Variants in CNPY1 observed in about 807,000 individuals in gnomAD.
The protein encoded by CNPY1 is canopy FGF signaling regulator 1.
A neutral mutation model predicts 14.4 loss-of-function variants in CNPY1; 14 were observed. The observed-to-expected ratio is 0.97, with a 90% CI of 0.64 to 1.52. The LOEUF is 1.52. Ranked by LOEUF, CNPY1 falls within the 40% of genes most tolerant of loss-of-function variation. CNPY1 has a pLI of 0.00. For missense variants in CNPY1, 129 were observed against 131.5 expected, an observed-to-expected ratio of 0.98 and a Z score of 0.09; for synonymous variants, 43 against 46.5, an observed-to-expected ratio of 0.92 and a Z score of 0.31.
intron 2 of CNPY1, among the ~76,000 whole-genome samples, chr7:155,527,434 C>CTTTTTTTTTTT (rs11364914): frequency 5.3e-5 from 3 of 56,892 alleles, no homozygotes; most frequent in East Asian, 6.2e-4. Context: ...TAATTAATTT[C>CTTTTTTTTTTT]TTTTTTTTTT....
intron 2 of CNPY1, among the ~76,000 whole-genome samples, chr7:155,524,999 T>C (rs1384655560): frequency 6.6e-6 from 1 of 152,120 alleles, no homozygotes; most frequent in Non-Finnish European, 1.5e-5. Context: ...ATTTATGAAA[T>C]GGAACACACA....
chr7:155,546,386 C>T lies in CNPY1; in HGVS notation c.-15+43G>A, dbSNP rs2116765566. On this transcript the variant is annotated intron_variant, in intron 1 of 4. Transcript: ENST00000636446. ...TTTTTTTAAGAGACGGGGGGTCTCA[C>T]TATGTTGCCCAGGTAGGTCTTGAAC... 3 of 397,532 alleles carry T rather than the reference C, an allele frequency of 7.5e-6. No individual in the cohort carries two copies. In the East Asian group the frequency reaches 1.1e-4, roughly 14 times the overall value. The allele number at this position is 397,532 out of a possible 1,614,324, so 24.6% of individuals were successfully genotyped here.
chr7:155,518,144 G>T (rs755187538), intron 2 of CNPY1, among the ~76,000 whole-genome samples: 1 of 152,160 alleles, frequency 6.6e-6, no homozygotes, highest in Non-Finnish European at 1.5e-5. Flanking sequence ...GAGCTGCCAG[G>T]AGGGGTGGCC....
rs1260719990 is a variant in CNPY1 at position 155,502,964 on chromosome 7, G to C, written c.*104C>G. 2.9e-6 allele frequency: 3 copies of C among 1,028,432 alleles called. No homozygotes were observed. The African/African-American group carries it at 4.9e-5, about 17-fold the overall frequency. 63.7% of individuals were successfully genotyped at this position (1,028,432 alleles called of 1,614,324 possible). A position where few individuals can be genotyped will look rare whatever the true frequency, so the allele number is the denominator to read the frequency against. On this transcript the variant is annotated 3_prime_UTR_variant, in exon 5 of 5. Transcript: ENST00000636446. ...GGAGACAAACACGGTATAAACAAGA[G>C]ACAAAATTTTTCTTATCATGAAAGA...
intron 2 of CNPY1, among the ~76,000 whole-genome samples, chr7:155,512,001 T>TC (rs1158261227): frequency 6.6e-6 from 1 of 152,140 alleles, no homozygotes; most frequent in African/African-American, 2.4e-5. Context: ...GGCTTTTTTT[T>TC]CCCCCTCAAA....
At chr7:155,517,460 G>T (rs908788360) in intron 2 of CNPY1, among the ~76,000 whole-genome samples, 1 of 152,168 alleles carries the variant, frequency 6.6e-6, no homozygotes, top group South Asian at 2.1e-4. Flanking sequence ...CAGTCACAGC[G>T]TGACGTCCTC....
At chr7:155,510,867 G>GA (rs1295671220) in intron 2 of CNPY1, among the ~76,000 whole-genome samples, 1 of 152,132 alleles carries the variant, frequency 6.6e-6, no homozygotes, top group Non-Finnish European at 1.5e-5. Context: ...TTAATCACTG[G>GA]AAAAACTATA....
At chr7:155,503,692 G>A (rs1424616) in intron 4 of CNPY1, among the ~76,000 whole-genome samples, 26,653 of 152,164 alleles carry the variant, frequency 0.18, 2,731 homozygotes, top group African/African-American at 0.29. Context: ...AATGTAGGCT[G>A]AACATTTCTA....
chr7:155,534,046 G>T (rs1005479358), intron 2 of CNPY1, among the ~76,000 whole-genome samples: 1 of 152,156 alleles, frequency 6.6e-6, no homozygotes, highest in Non-Finnish European at 1.5e-5. Context: ...TGCTGGCCCC[G>T]CCGGGAAGAG....
intron 2 of CNPY1, among the ~76,000 whole-genome samples, chr7:155,537,257 C>G (rs2116753381): frequency 6.6e-6 from 1 of 152,246 alleles, no homozygotes; most frequent in Admixed American, 6.5e-5. Flanking sequence ...CTTCCAGCCT[C>G]TCCTTCCGAG....
At chr7:155,524,642 T>C (rs1010218927) in intron 2 of CNPY1, among the ~76,000 whole-genome samples, 19 of 152,192 alleles carry the variant, frequency 1.2e-4, no homozygotes, top group African/African-American at 4.1e-4. Flanking sequence ...CAACTAATTG[T>C]AGGAAAACAA....
intron 2 of CNPY1, among the ~76,000 whole-genome samples, chr7:155,526,751 C>T (rs1038030893): frequency 2.0e-5 from 3 of 152,182 alleles, no homozygotes; most frequent in Non-Finnish European, 4.4e-5. Flanking sequence ...AGAAAGCAGC[C>T]TCTGTCACCC....
Position 155,501,665 on chromosome 7 carries a change from C to T in CNPY1, c.*1403G>A, listed in dbSNP as rs1796113183. 6.6e-6 allele frequency: 1 copy of T among 152,104 alleles called. No homozygotes were observed. Among genetic ancestry groups the T allele is most frequent in the East Asian group, 1.9e-4 (1 of 5,192 alleles). 9.4% of individuals were successfully genotyped at this position (152,104 alleles called of 1,614,324 possible). A position where few individuals can be genotyped will look rare whatever the true frequency, so the allele number is the denominator to read the frequency against. On this transcript the variant is annotated 3_prime_UTR_variant, in exon 5 of 5. Transcript: ENST00000636446. ...ATGTTTTAAATAACAATTGTCCTACCCTACTGGAAAATAGTGTTAATTATT... is the reference window on the plus strand; with the variant it reads ...ATGTTTTAAATAACAATTGTCCTACTCTACTGGAAAATAGTGTTAATTATT...
chr7:155,506,887 A>T, intron 4 of CNPY1, 133 bp downstream of exon 4: 2 of 632,440 alleles, frequency 3.2e-6, no homozygotes, highest in East Asian at 3.0e-5. Flanking sequence ...GATTCAGCGG[A>T]GACGGGGGAT....
intron 2 of CNPY1, among the ~76,000 whole-genome samples, chr7:155,524,589 C>T (rs940441690): frequency 1.3e-5 from 2 of 152,148 alleles, no homozygotes; most frequent in Non-Finnish European, 2.9e-5. Flanking sequence ...GAATCTAATG[C>T]CTGATGATCT....
At chr7:155,535,010 C>G (rs939444156) in intron 2 of CNPY1, among the ~76,000 whole-genome samples, 1 of 152,144 alleles carries the variant, frequency 6.6e-6, no homozygotes, top group Non-Finnish European at 1.5e-5. Flanking sequence ...TTGAGACAGC[C>G]CAGCGGTGAC....
At chr7:155,505,399 T>C (rs1796271303) in intron 4 of CNPY1, among the ~76,000 whole-genome samples, 1 of 152,268 alleles carries the variant, frequency 6.6e-6, no homozygotes, top group Non-Finnish European at 1.5e-5. Flanking sequence ...AAATTGCACC[T>C]ATCTTAGGTT....
intron 2 of CNPY1, among the ~76,000 whole-genome samples, chr7:155,544,597 T>C (rs1391286329): frequency 6.6e-6 from 1 of 152,220 alleles, no homozygotes. Flanking sequence ...CTGGCCCTGC[T>C]TGACAGTGGG....
At chr7:155,510,572 T>C (rs1383599651) in intron 2 of CNPY1, 1 of 152,126 alleles carries the variant, frequency 6.6e-6, no homozygotes, top group Non-Finnish European at 1.5e-5. Flanking sequence ...TTAAATAGCT[T>C]ATGGACTATT....
Sources: gnomAD v4.1 joint callset for allele counts (sites outside exome capture counted in the v4.1 genomes callset) on GRCh38, gnomAD v4.1.1 for gene constraint, MANE v1.5 for transcripts, NCBI Gene and HGNC (gene_info 2026-07-23, HGNC 2026-07-21) for gene names.